Variants in ST3GAL3 observed in about 807,000 individuals in gnomAD.
The protein encoded by ST3GAL3 is ST3 beta-galactoside alpha-2,3-sialyltransferase 3.
Under a neutral mutation model 50.1 loss-of-function variants are expected in ST3GAL3, and 21 were observed. The ratio of observed to expected loss-of-function variants is 0.42; its 90% CI spans 0.30 to 0.60. ST3GAL3 has a LOEUF of 0.60. Ranked by LOEUF, ST3GAL3 falls within the 20% of genes least tolerant of loss-of-function variation. ST3GAL3 has a pLI of 0.19. For missense variants in ST3GAL3, 353 were observed against 489.4 expected (o/e 0.72, Z 2.63); for synonymous variants, 183 against 190.0 (o/e 0.96, Z 0.30).
intron 2 of ST3GAL3, among the ~76,000 whole-genome samples, chr1:43,760,866 T>C (rs1204414419): frequency 6.6e-6 from 1 of 152,108 alleles, no homozygotes; most frequent in Non-Finnish European, 1.5e-5. Context: ...ATGTGGTATA[T>C]CCAAACGATG....
At chr1:43,889,693 A>G (rs2076441828) in intron 5 of ST3GAL3, among the ~76,000 whole-genome samples, 1 of 152,236 alleles carries the variant, frequency 6.6e-6, no homozygotes, top group Non-Finnish European at 1.5e-5. Flanking sequence ...GGATCAAGCA[A>G]AAACAGTAGT....
Position 43,879,860 on chromosome 1 carries a change from C to T in ST3GAL3, c.303-14523C>T, listed in dbSNP as rs2074797317. On this transcript the variant is annotated intron_variant, in intron 5 of 11. Transcript: ENST00000347631. ...TGAATCCCATCATACTCCTGTCCTT[C>T]CATCAAACCTGCTACAGCAGGGCCC... Among the ~76,000 whole-genome samples, 4 of 152,224 alleles carry T rather than the reference C, an allele frequency of 2.6e-5. No individual in the cohort carries two copies. In the South Asian group the frequency reaches 8.3e-4, roughly 32 times the overall value.
At chr1:43,862,030 A>T (rs2070096828) in intron 5 of ST3GAL3, among the ~76,000 whole-genome samples, 1 of 130,128 alleles carries the variant, frequency 7.7e-6, no homozygotes, top group East Asian at 2.8e-4. Flanking sequence ...ATCTGTCTTA[A>T]AAAAAAAAAA....
chr1:43,826,707 A>G, intron 4 of ST3GAL3, among the ~76,000 whole-genome samples: 1 of 152,226 alleles, frequency 6.6e-6, no homozygotes, highest in East Asian at 1.9e-4. Context: ...AATTATTAGC[A>G]AATTGAGTTC....
At chr1:43,898,360 G>A (rs2077699741) in intron 7 of ST3GAL3, 62 bp downstream of exon 7, 21 of 1,560,758 alleles carry the variant, frequency 1.3e-5, no homozygotes, top group Admixed American at 1.7e-5. Context: ...GAGGTGTTGA[G>A]GCCCAGCTGG....
chr1:43,821,071 CTA>C (rs2062028560), intron 4 of ST3GAL3, among the ~76,000 whole-genome samples: 1 of 152,090 alleles, frequency 6.6e-6, no homozygotes, highest in Non-Finnish European at 1.5e-5. Flanking sequence ...TGAGCACCAG[CTA>C]TGTGTTTTCT....
intron 5 of ST3GAL3, among the ~76,000 whole-genome samples, chr1:43,865,995 A>C (rs977555118): frequency 6.6e-6 from 1 of 152,172 alleles, no homozygotes; most frequent in Non-Finnish European, 1.5e-5. Flanking sequence ...ATGGCCCCTC[A>C]AGGCCACAGG....
At chr1:43,852,625 A>C (rs1488759973) in intron 5 of ST3GAL3, among the ~76,000 whole-genome samples, 1 of 152,210 alleles carries the variant, frequency 6.6e-6, no homozygotes, top group Non-Finnish European at 1.5e-5. Context: ...TGAGAGTGTA[A>C]GGATGTGGGA....
In ST3GAL3 at chr1:43,920,412, G is replaced by A. The variant is rs187276382; in HGVS notation, c.753G>A (p.Ser251=). 160 of 1,614,096 alleles carry A rather than the reference G, an allele frequency of 9.9e-5. 1 individual carries two copies. The East Asian group carries it at 2.3e-3, about 23-fold the overall frequency. Residue 251 remains serine (S), a synonymous_variant, in exon 10 of 12, where the codon TCG becomes TCA. Transcript: ENST00000347631. The part of the protein sequence containing the change: ...YIVYKERVSA[S]DGFWKSVATR... ...TTTTGCTGTGTCCACAGAGTGCATC[G>A]GATGGCTTCTGGAAATCTGTGGCCA...
intron 1 of ST3GAL3, among the ~76,000 whole-genome samples, chr1:43,730,308 T>G (rs775673015): frequency 1.3e-5 from 2 of 152,196 alleles, no homozygotes; most frequent in African/African-American, 2.4e-5. Flanking sequence ...GTGGTCACTG[T>G]ATGGTTGTGA....
chr1:43,711,937 C>G (rs1664968938), intron 1 of ST3GAL3, among the ~76,000 whole-genome samples: 1 of 152,198 alleles, frequency 6.6e-6, no homozygotes, highest in African/African-American at 2.4e-5. Flanking sequence ...TTTAACCTTA[C>G]TGGTTTAATT....
chr1:43,744,603 A>C (rs1344060831), intron 2 of ST3GAL3, among the ~76,000 whole-genome samples: 2 of 151,602 alleles, frequency 1.3e-5, no homozygotes, highest in African/African-American at 4.8e-5. Context: ...CAGTGAGCCA[A>C]GATTGCACCA....
At chr1:43,753,900 C>T (rs1454441392) in intron 2 of ST3GAL3, among the ~76,000 whole-genome samples, 8 of 152,172 alleles carry the variant, frequency 5.3e-5, no homozygotes, top group South Asian at 2.1e-4. Flanking sequence ...TACTCCCTCC[C>T]GCCCAGATCC....
intron 5 of ST3GAL3, among the ~76,000 whole-genome samples, chr1:43,886,151 C>T (rs928354614): frequency 3.9e-5 from 6 of 152,192 alleles, no homozygotes; most frequent in African/African-American, 1.2e-4. Flanking sequence ...GAGGCCGAGG[C>T]GGGCAGATCA....
At chr1:43,785,341 A>G (rs571194998) in intron 2 of ST3GAL3, among the ~76,000 whole-genome samples, 1 of 152,290 alleles carries the variant, frequency 6.6e-6, no homozygotes, top group African/African-American at 2.4e-5. Context: ...TGTTGCTCAG[A>G]TCCAGCCTGG....
chr1:43,901,752 C>T (rs2078312257), intron 9 of ST3GAL3, among the ~76,000 whole-genome samples: 1 of 152,198 alleles, frequency 6.6e-6, no homozygotes, highest in Non-Finnish European at 1.5e-5. Context: ...TGGCCACACC[C>T]AGGGCTCTAG....
At chr1:43,871,947 G>A (rs549354367) in intron 5 of ST3GAL3, among the ~76,000 whole-genome samples, 6 of 10,658 alleles carry the variant, frequency 5.6e-4, no homozygotes, top group African/African-American at 1.8e-3. Flanking sequence ...GCGGTACGTC[G>A]GTGGGGGGTG....
intron 2 of ST3GAL3, among the ~76,000 whole-genome samples, chr1:43,748,440 T>C (rs1275099249): frequency 4.7e-5 from 7 of 147,768 alleles, no homozygotes; most frequent in Non-Finnish European, 7.4e-5. Flanking sequence ...TTTTTTTTTT[T>C]TTTTTTGAGC....
intron 5 of ST3GAL3, among the ~76,000 whole-genome samples, chr1:43,880,062 G>A (rs908469549): frequency 6.6e-6 from 1 of 152,176 alleles, no homozygotes; most frequent in Non-Finnish European, 1.5e-5. Flanking sequence ...TGGTCTGGTT[G>A]GCCCTGGAAA....
Sources: allele counts gnomAD v4.1 joint callset (sites outside exome capture counted in the v4.1 genomes callset), GRCh38; gene constraint gnomAD v4.1.1; transcripts MANE v1.5; gene names NCBI Gene and HGNC (gene_info 2026-07-23, HGNC 2026-07-21).